CYTL1: variants seen among roughly 807,000 people sequenced by gnomAD.
CYTL1 encodes cytokine-like protein 1.
A neutral mutation model predicts 13.1 loss-of-function variants in CYTL1; 17 were observed. The observed-to-expected ratio is 1.29, with a 90% CI of 0.89 to 1.94. CYTL1 has a LOEUF of 1.94. Ranked by LOEUF, CYTL1 falls within the 30% of genes most tolerant of loss-of-function variation. The probability of loss-of-function intolerance (pLI) is 0.00; values close to 1 mark genes in which losing one functional copy is unlikely to be tolerated. For missense variants in CYTL1, 213 were observed against 174.8 expected (o/e 1.22, Z -1.23); for synonymous variants, 91 against 79.4 (o/e 1.15, Z -0.78).
In CYTL1 at chr4:5,019,422, G is replaced by A. The variant is rs35263598; in HGVS notation, c.24C>T (p.Pro8=). ...CTCCCGCCAGGAGCAGCAGCAGCACGGGCAGAGGCCCAGGCGTCCTCATGG... is the reference window on the plus strand; with the variant it reads ...CTCCCGCCAGGAGCAGCAGCAGCACAGGCAGAGGCCCAGGCGTCCTCATGG... MRTPGPL[P]VLLLLLAGAP... Residue 8 remains proline, a synonymous_variant, in exon 1 of 4, where the codon CCC becomes CCT. Coordinates refer to ENST00000307746, the MANE Select transcript of CYTL1 (RefSeq NM_018659.3). The A allele has an allele frequency of 0.14, 212,125 of 1,477,956 alleles. 16,034 individuals carry two copies. The highest frequency in any genetic ancestry group is 0.2 in the Middle Eastern group (941 of 4,704). The allele number at this position is 1,477,956 out of a possible 1,614,324, so 91.6% of individuals were successfully genotyped here. A position where few individuals can be genotyped will look rare whatever the true frequency, so the allele number is the denominator to read the frequency against.
At chr4:5,015,436 T>A (rs1560117238) in intron 3 of CYTL1, among the ~76,000 whole-genome samples, 1 of 152,222 alleles carries the variant, frequency 6.6e-6, no homozygotes, top group Non-Finnish European at 1.5e-5. Context: ...TAATTTTCAC[T>A]TCACATTCCA....
intron 3 of CYTL1, among the ~76,000 whole-genome samples, chr4:5,016,634 G>T (rs1741078350): frequency 6.6e-6 from 1 of 152,134 alleles, no homozygotes. Flanking sequence ...CGCAGCTCAT[G>T]GAGACAAAGG....
chr4:5,017,063 C>T, intron 2 of CYTL1, 72 bp downstream of exon 2: 1 of 1,605,352 alleles, frequency 6.2e-7, no homozygotes, highest in Non-Finnish European at 8.5e-7. Context: ...CTGTGCCACA[C>T]AGCCAGCAGC....
At chr4:5,017,843 T>C (rs1741110059) in intron 1 of CYTL1, among the ~76,000 whole-genome samples, 1 of 152,226 alleles carries the variant, frequency 6.6e-6, no homozygotes, top group Non-Finnish European at 1.5e-5. Flanking sequence ...TATATTGGGC[T>C]TCCGTTTTTG....
At chr4:5,016,261 C>T (rs941695566) in intron 3 of CYTL1, among the ~76,000 whole-genome samples, 1 of 152,166 alleles carries the variant, frequency 6.6e-6, no homozygotes, top group Admixed American at 6.5e-5. Context: ...TACCCCCCAG[C>T]CTCCTCCATA....
chr4:5,019,382 G>A lies in CYTL1; in HGVS notation c.64C>T (p.Pro22Ser), dbSNP rs778256052. 6.6e-7 allele frequency: 1 copy of A among 1,504,402 alleles called. No homozygotes were observed. The highest frequency in any genetic ancestry group is 8.8e-7 in the Non-Finnish European group (1 of 1,134,736). 93.2% of individuals were successfully genotyped at this position (1,504,402 alleles called of 1,614,324 possible). The change falls in exon 1 of 4, where the codon CCC (proline) becomes TCC (serine). Residue 22 changes from proline (P) to serine (S), a missense_variant. Pro to Ser is a moderately conservative substitution (Grantham distance 74). Transcript: ENST00000307746. ...LLLAGAPAAR[P>S]TPPTCYSRMR... ...CGGGAGTAGCAGGTCGGGGGAGTGG[G>A]CCGCGCGGCGGGGGCTCCCGCCAGG... is the stretch of plus-strand genomic sequence containing the variant.
At chr4:5,016,126 C>T (rs1741067153) in intron 3 of CYTL1, among the ~76,000 whole-genome samples, 1 of 152,146 alleles carries the variant, frequency 6.6e-6, no homozygotes, top group Non-Finnish European at 1.5e-5. Flanking sequence ...TTGCTTATTG[C>T]AGGGGTGGCT....
At chr4:5,016,762 T>C (rs1283631168) in intron 3 of CYTL1, 74 bp downstream of exon 3, 2 of 1,572,872 alleles carry the variant, frequency 1.3e-6, no homozygotes, top group East Asian at 2.2e-5. Flanking sequence ...TCCTCCCAAC[T>C]CTCCTCTTTG....
intron 3 of CYTL1, among the ~76,000 whole-genome samples, chr4:5,016,121 T>G (rs577381503): frequency 6.6e-6 from 1 of 152,298 alleles, no homozygotes; most frequent in East Asian, 1.9e-4. Context: ...GAGGGTTGCT[T>G]ATTGCAGGGG....
Position 5,015,224 on chromosome 4 carries a change from A to T in CYTL1, c.338T>A (p.Phe113Tyr). Reference protein sequence around the residue: ...MNSFCRRDLVFLLDDCNALEY... With the variant: ...MNSFCRRDLVYLLDDCNALEY... Reference sequence around the variant, plus strand: ...CAAGGCATTGCAGTCATCCAACAGGAATACCAAATCCTGAAAAAGATGTGC... The same window carrying T: ...CAAGGCATTGCAGTCATCCAACAGGTATACCAAATCCTGAAAAAGATGTGC... Residue 113 changes from phenylalanine (F) to tyrosine (Y), a missense_variant, in exon 4 of 4, where the codon TTC becomes TAC. Coordinates refer to ENST00000307746, the MANE Select transcript of CYTL1 (RefSeq NM_018659.3). 1.2e-6 allele frequency: 2 copies of T among 1,612,980 alleles called. No homozygotes were observed. The highest frequency in any genetic ancestry group is 2.2e-5 in the South Asian group (2 of 90,670).
At position 5,015,003 on chromosome 4, in the gene CYTL1, A is replaced by G. The variant is rs943368848; in HGVS notation, c.*148T>C. The G allele has an allele frequency of 2.8e-6, 2 of 720,980 alleles. No homozygotes were observed. Among genetic ancestry groups the G allele is most frequent in the African/African-American group, 1.8e-5 (1 of 56,174 alleles). 44.7% of individuals were successfully genotyped at this position (720,980 alleles called of 1,614,324 possible). A position where few individuals can be genotyped will look rare whatever the true frequency, so the allele number is the denominator to read the frequency against. The stretch of plus-strand genomic sequence containing the variant: ...AAGGAGGTTCCTGGGTAGGAATACC[A>G]GCCCTGTTTTCCAGAAGGTAGAGAG... On this transcript the variant is annotated 3_prime_UTR_variant, in exon 4 of 4. Transcript: ENST00000307746.
chr4:5,019,003 C>CTTTTTTTTTT (rs1186542271), intron 1 of CYTL1, among the ~76,000 whole-genome samples: 184 of 89,546 alleles, frequency 2.1e-3, no homozygotes, highest in East Asian at 3.2e-3. Context: ...TTTCTTTTTT[C>CTTTTTTTTTT]TTTTTTTTTT....
chr4:5,018,844 C>T (rs1741131690), intron 1 of CYTL1, among the ~76,000 whole-genome samples: 1 of 152,214 alleles, frequency 6.6e-6, no homozygotes, highest in Non-Finnish European at 1.5e-5. Flanking sequence ...GGTCCCTCAG[C>T]AGATGAGGGG....
In CYTL1 at chr4:5,015,243, G is replaced by T; in HGVS notation, c.328-9C>A. 1.2e-6 allele frequency: 2 copies of T among 1,608,806 alleles called. No homozygotes were observed. Among genetic ancestry groups the T allele is most frequent in the Non-Finnish European group, 1.7e-6 (2 of 1,176,510 alleles). ...AACAGGAATACCAAATCCTGAAAAA[G>T]ATGTGCAATGAGCAGGAAAGTTACT... is the stretch of plus-strand genomic sequence containing the variant. On this transcript the variant is annotated splice_polypyrimidine_tract_variant and intron_variant, in intron 3 of 3. Coordinates refer to ENST00000307746, the MANE Select transcript of CYTL1 (RefSeq NM_018659.3).
intron 1 of CYTL1, among the ~76,000 whole-genome samples, chr4:5,017,856 C>T (rs1741110487): frequency 6.6e-6 from 1 of 152,150 alleles, no homozygotes; most frequent in Non-Finnish European, 1.5e-5. Flanking sequence ...CGTTTTTGCG[C>T]AGGGCTGAAG....
chr4:5,015,055 A>G lies in CYTL1; in HGVS notation c.*96T>C. The G allele has an allele frequency of 9.9e-7, 1 of 1,005,480 alleles. No individual in the cohort carries two copies. The highest frequency in any genetic ancestry group is 1.6e-6 in the Non-Finnish European group (1 of 639,852). 62.3% of individuals were successfully genotyped at this position (1,005,480 alleles called of 1,614,324 possible). ...TACATAACAGTTTCAGATACAACTAACACAAGACCTGTGAGGGTCATGGCT... is the reference window on the plus strand; with the variant it reads ...TACATAACAGTTTCAGATACAACTAGCACAAGACCTGTGAGGGTCATGGCT... On this transcript the variant is annotated 3_prime_UTR_variant, in exon 4 of 4. Transcript: ENST00000307746.
At chr4:5,019,199 TTCTC>T (rs201209430) in intron 1 of CYTL1, 90 bp downstream of exon 1, 8 of 1,103,056 alleles carry the variant, frequency 7.3e-6, no homozygotes, top group East Asian at 3.0e-5. Flanking sequence ...AAATATCCTT[TTCTC>T]TCTCTCTCTC....
chr4:5,018,495 A>G (rs1741126299), intron 1 of CYTL1, among the ~76,000 whole-genome samples: 1 of 152,246 alleles, frequency 6.6e-6, no homozygotes, highest in Non-Finnish European at 1.5e-5. Context: ...TGTTTGAAGC[A>G]TTTGCAAGTG....
At chr4:5,019,199 TTC>T (rs201209430) in intron 1 of CYTL1, 92 bp downstream of exon 1, 680 of 1,097,818 alleles carry the variant, frequency 6.2e-4, no homozygotes, top group South Asian at 8.1e-4. Flanking sequence ...AAATATCCTT[TTC>T]TCTCTCTCTC....
Sources: allele counts gnomAD v4.1 joint callset (sites outside exome capture counted in the v4.1 genomes callset), GRCh38; gene constraint gnomAD v4.1.1; transcripts MANE v1.5; gene names NCBI Gene and HGNC (gene_info 2026-07-23, HGNC 2026-07-21).